The following SNRPN variants were observed in gnomAD, a reference collection of about 807,000 sequenced individuals.
SNRPN encodes small nuclear ribonucleoprotein polypeptide N.
SNRPN carries 7 observed loss-of-function variants against 25.2 expected under a neutral mutation model. The ratio of observed to expected loss-of-function variants is 0.28; its 90% CI spans 0.16 to 0.52. The LOEUF (loss-of-function observed/expected upper bound fraction) is 0.52, where lower values mean the gene tolerates loss of function less well. Among genes scored for constraint, SNRPN ranks in the 20% least tolerant of loss-of-function variants. SNRPN has a pLI of 0.96. For synonymous variants in SNRPN, 124 were observed against 110.6 expected, an observed-to-expected ratio of 1.12 and a Z score of -0.76; for missense variants, 196 against 322.5, an observed-to-expected ratio of 0.61 and a Z score of 3.00.
intron 1 of SNRPN, among the ~76,000 whole-genome samples, chr15:24,884,700 T>C (rs951243683): frequency 1.3e-5 from 2 of 152,208 alleles, no homozygotes; most frequent in African/African-American, 4.8e-5. Flanking sequence ...TTTACTATTA[T>C]ACTTTTATAT....
chr15:24,940,758 G>T (rs916027713), intron 3 of SNRPN, among the ~76,000 whole-genome samples: 4 of 152,090 alleles, frequency 2.6e-5, no homozygotes, highest in African/African-American at 9.7e-5. Context: ...CTGTGTGTGT[G>T]TGTGTGTGTT....
At chr15:24,896,899 C>G (rs146727666) in intron 2 of SNRPN, among the ~76,000 whole-genome samples, 1 of 151,986 alleles carries the variant, frequency 6.6e-6, no homozygotes, top group Admixed American at 6.6e-5. Flanking sequence ...CGCCTGTAAT[C>G]CCATCACTTT....
At position 24,863,221 on chromosome 15, in the gene SNRPN, G is replaced by C. The variant is rs554935286; in HGVS notation, c.-579+6505G>C. On this transcript the variant is annotated intron_variant, in intron 1 of 11. Transcript: ENST00000400097. ...TTTCTGTCCCCTCAGCCATTTTGCA[G>C]ATGTAGGTTGGATCACTGGATCACA... is the stretch of plus-strand genomic sequence containing the variant. 1.4e-3 allele frequency among the ~76,000 whole-genome samples: 217 copies of C among 151,010 alleles called. 3 individuals carry two copies. The highest frequency in any genetic ancestry group is 2.6e-3 in the Non-Finnish European group (174 of 68,032).
chr15:24,956,052 C>T (rs1015734992), intron 1 of SNRPN, among the ~76,000 whole-genome samples: 1 of 152,104 alleles, frequency 6.6e-6, no homozygotes, highest in African/African-American at 2.4e-5. Flanking sequence ...GCAATGCCTA[C>T]ACTGCCGCAG....
chr15:24,906,377 C>T (rs1029689694), intron 2 of SNRPN, among the ~76,000 whole-genome samples: 1 of 152,168 alleles, frequency 6.6e-6, no homozygotes, highest in Non-Finnish European at 1.5e-5. Context: ...AACTGATTCA[C>T]CCACCTTGAC....
upstream of SNRPN, among the ~76,000 whole-genome samples, chr15:24,950,859 C>G (rs1447262122): frequency 2.1e-5 from 3 of 140,348 alleles, no homozygotes; most frequent in East Asian, 4.2e-4. Flanking sequence ...CTATGTTTTC[C>G]TTTTTTTTTT....
chr15:24,836,728 G>A (rs980767671), intron 2 of SNRPN, among the ~76,000 whole-genome samples: 3 of 152,052 alleles, frequency 2.0e-5, no homozygotes, highest in Admixed American at 6.5e-5. Context: ...TGCATTTAAT[G>A]TAAGTTTTAT....
intron 2 of SNRPN, among the ~76,000 whole-genome samples, chr15:24,898,599 T>G (rs1595777151): frequency 6.7e-6 from 1 of 150,204 alleles, no homozygotes; most frequent in South Asian, 2.1e-4. Flanking sequence ...AAAAAAAAAG[T>G]AGTATATATT....
At chr15:24,972,204 C>T (rs1394283064) in intron 3 of SNRPN, among the ~76,000 whole-genome samples, 3 of 148,096 alleles carry the variant, frequency 2.0e-5, no homozygotes, top group Admixed American at 1.4e-4. Flanking sequence ...TGCAGTGAGC[C>T]GAGATCACTC....
At chr15:24,954,942 G>C, upstream of SNRPN, 1 of 1,529,452 alleles carries the variant, frequency 6.5e-7, no homozygotes, top group Non-Finnish European at 8.9e-7. Flanking sequence ...CGCATGCTCA[G>C]GCGGGGATGT....
intron 2 of SNRPN, among the ~76,000 whole-genome samples, chr15:24,911,888 C>A (rs549541190): frequency 2.0e-5 from 3 of 152,304 alleles, no homozygotes; most frequent in African/African-American, 7.2e-5. Flanking sequence ...ACCTGTAGAT[C>A]CGGTAGTGCG....
At chr15:24,975,715 T>C (rs1338316358) in intron 5 of SNRPN, among the ~76,000 whole-genome samples, 1 of 152,220 alleles carries the variant, frequency 6.6e-6, no homozygotes, top group East Asian at 1.9e-4. Context: ...CAATCATGGA[T>C]TTATTACTGG....
chr15:24,833,631 G>T (rs968607218), intron 2 of SNRPN, among the ~76,000 whole-genome samples: 1 of 152,076 alleles, frequency 6.6e-6, no homozygotes, highest in African/African-American at 2.4e-5. Flanking sequence ...TGTTTTCATA[G>T]AGGAAGAAGG....
chr15:24,837,649 G>C (rs979056390), intron 2 of SNRPN, among the ~76,000 whole-genome samples: 5 of 151,200 alleles, frequency 3.3e-5, no homozygotes, highest in Non-Finnish European at 5.9e-5. Flanking sequence ...GATTACAGGC[G>C]TGAGCCACCA....
chr15:24,863,949 T>C (rs1336597964), intron 1 of SNRPN, among the ~76,000 whole-genome samples: 2 of 150,750 alleles, frequency 1.3e-5, no homozygotes, highest in Non-Finnish European at 2.9e-5. Context: ...TTAAGTTTCC[T>C]ATGGAGGAAA....
intron 1 of SNRPN, among the ~76,000 whole-genome samples, chr15:24,878,799 T>G (rs1213544722): frequency 6.6e-6 from 1 of 152,140 alleles, no homozygotes; most frequent in Non-Finnish European, 1.5e-5. Context: ...AATACTGAAC[T>G]TGTCATTTTT....
At chr15:24,928,314 T>C (rs943589952) in intron 3 of SNRPN, among the ~76,000 whole-genome samples, 1 of 152,022 alleles carries the variant, frequency 6.6e-6, no homozygotes, top group African/African-American at 2.4e-5. Context: ...AGCCAAGATA[T>C]GGAATCCACC....
intron 5 of SNRPN, among the ~76,000 whole-genome samples, chr15:24,975,937 TTC>T (rs1277826285): frequency 6.6e-6 from 1 of 152,216 alleles, no homozygotes; most frequent in East Asian, 1.9e-4. Flanking sequence ...ATTATTTCAG[TTC>T]TGTGTCACCT....
At chr15:24,874,181 G>A (rs1472396719) in intron 1 of SNRPN, among the ~76,000 whole-genome samples, 1 of 151,682 alleles carries the variant, frequency 6.6e-6, no homozygotes, top group Admixed American at 6.6e-5. Context: ...GTGGTGGCAG[G>A]CGCCTGTAGT....
Sources: allele counts gnomAD v4.1 joint callset (sites outside exome capture counted in the v4.1 genomes callset), GRCh38; gene constraint gnomAD v4.1.1; transcripts MANE v1.5; gene names NCBI Gene and HGNC (gene_info 2026-07-23, HGNC 2026-07-21).